Variants in TFEC observed in about 807,000 individuals in gnomAD.
The protein encoded by TFEC is transcription factor EC, also known as class E basic helix-loop-helix protein 34.
Under a neutral mutation model 41.6 loss-of-function variants are expected in TFEC, and 31 were observed. The ratio of observed to expected loss-of-function variants is 0.74; its 90% CI spans 0.56 to 1.01. TFEC has a LOEUF of 1.01. Ranked by LOEUF, TFEC falls within the 50% of genes least tolerant of loss-of-function variation. The probability of loss-of-function intolerance (pLI) is 0.00; values close to 1 mark genes in which losing one functional copy is unlikely to be tolerated. For missense variants in TFEC, 402 were observed against 404.1 expected (o/e 0.99, Z 0.04); for synonymous variants, 143 against 140.6 (o/e 1.02, Z -0.12).
chr7:115,993,092 C>T (rs1031332066), intron 1 of TFEC, among the ~76,000 whole-genome samples: 1 of 152,084 alleles, frequency 6.6e-6, no homozygotes, highest in African/African-American at 2.4e-5. Flanking sequence ...ATAAACAGAA[C>T]CAAAGACAAA....
chr7:116,075,629 T>C (rs1052269700), intron 3 of TFEC, among the ~76,000 whole-genome samples: 1 of 152,064 alleles, frequency 6.6e-6, no homozygotes, highest in Admixed American at 6.6e-5. Context: ...CCCACTTCCC[T>C]GGCAACCTGC....
intron 1 of TFEC, among the ~76,000 whole-genome samples, chr7:116,142,823 T>C (rs1419561471): frequency 6.6e-6 from 1 of 152,168 alleles, no homozygotes; most frequent in Non-Finnish European, 1.5e-5. Context: ...AAATTCCCCA[T>C]TTTTGTTAAA....
intron 3 of TFEC, among the ~76,000 whole-genome samples, chr7:115,962,747 G>C (rs1792626621): frequency 6.6e-6 from 1 of 151,670 alleles, no homozygotes; most frequent in Admixed American, 6.6e-5. Flanking sequence ...CCCTCACAGG[G>C]GGAGAAGCTA....
At chr7:116,034,140 T>G (rs1257020359), upstream of TFEC, among the ~76,000 whole-genome samples, 3 of 152,140 alleles carry the variant, frequency 2.0e-5, no homozygotes, top group East Asian at 5.8e-4. Context: ...CCTATATCAC[T>G]GAGTATTTCT....
intron 3 of TFEC, among the ~76,000 whole-genome samples, chr7:115,971,431 A>T (rs1181229896): frequency 6.6e-6 from 1 of 151,746 alleles, no homozygotes; most frequent in Admixed American, 6.6e-5. Context: ...TATAAGCAGC[A>T]TTTCTTTCCA....
chr7:115,959,853 T>A (rs1466482882), intron 3 of TFEC, among the ~76,000 whole-genome samples: 3 of 151,218 alleles, frequency 2.0e-5, no homozygotes, highest in African/African-American at 7.3e-5. Flanking sequence ...ACCTAAACAA[T>A]ACAGGGAATA....
At chr7:116,099,593 G>A (rs186037512) in intron 3 of TFEC, among the ~76,000 whole-genome samples, 150 of 152,242 alleles carry the variant, frequency 9.9e-4, no homozygotes, top group Non-Finnish European at 1.6e-3. Flanking sequence ...AGAGACACAC[G>A]GCTCAGCCAA....
At chr7:116,088,480 A>G (rs1327115172) in intron 3 of TFEC, among the ~76,000 whole-genome samples, 8 of 152,130 alleles carry the variant, frequency 5.3e-5, no homozygotes, top group Non-Finnish European at 5.9e-5. Flanking sequence ...TTCTTTATAC[A>G]TAAACTGGGA....
chr7:116,107,983 T>C (rs1797759547), intron 3 of TFEC, among the ~76,000 whole-genome samples: 4 of 152,158 alleles, frequency 2.6e-5, no homozygotes, highest in Admixed American at 2.0e-4. Flanking sequence ...TGTTTTATCA[T>C]GAGGCTGTGA....
intron 1 of TFEC, among the ~76,000 whole-genome samples, chr7:116,122,057 G>C (rs1389922194): frequency 6.6e-6 from 1 of 152,012 alleles, no homozygotes; most frequent in Admixed American, 6.6e-5. Flanking sequence ...ATAAATTATG[G>C]AGGAGTCTTC....
In TFEC at chr7:115,935,388, T is replaced by C. The variant is rs1793179276; in HGVS notation, c.*5163A>G. The C allele has an allele frequency of 6.6e-6, 1 of 152,106 alleles. No homozygotes were observed. The highest frequency in any genetic ancestry group is 1.5e-5 in the Non-Finnish European group (1 of 67,648). The allele number at this position is 152,106 out of a possible 1,614,324, so 9.4% of individuals were successfully genotyped here. The stretch of plus-strand genomic sequence containing the variant: ...TGTCAGATTAAAATTATAGGAATGT[T>C]ACTTCAGCTATTTGTATATGTAAAA... On this transcript the variant is annotated 3_prime_UTR_variant, in exon 8 of 8. Coordinates refer to ENST00000265440, the MANE Select transcript of TFEC (RefSeq NM_012252.4).
At position 115,935,886 on chromosome 7, in the gene TFEC, T is replaced by C. The variant is rs556584047; in HGVS notation, c.*4665A>G. ...TCATCTGATTATGCAGAAATACACA[T>C]AAAAATCCCTTTACAAGCAGATAAA... On this transcript the variant is annotated 3_prime_UTR_variant, in exon 8 of 8. Transcript: ENST00000265440. The C allele has an allele frequency of 1.3e-5, 2 of 151,604 alleles. 1 individual carries two copies. Among genetic ancestry groups the C allele is most frequent in the Admixed American group, 1.3e-4 (2 of 15,206 alleles). The allele number at this position is 151,604 out of a possible 1,614,324, so 9.4% of individuals were successfully genotyped here.
At chr7:116,120,761 A>G (rs2402033) in intron 1 of TFEC, among the ~76,000 whole-genome samples, 22,945 of 151,928 alleles carry the variant, frequency 0.15, 1,777 homozygotes, top group East Asian at 0.25. Context: ...AGCACAGAAT[A>G]GGGAGAGGTA....
intron 1 of TFEC, among the ~76,000 whole-genome samples, chr7:116,030,163 T>G (rs1414033454): frequency 6.6e-6 from 1 of 152,166 alleles, no homozygotes; most frequent in Non-Finnish European, 1.5e-5. Context: ...AGTCCTGGAA[T>G]AAGAATATAT....
At chr7:116,157,891 AC>A (rs1163463911) in intron 1 of TFEC, among the ~76,000 whole-genome samples, 8 of 152,132 alleles carry the variant, frequency 5.3e-5, no homozygotes, top group Non-Finnish European at 1.2e-4. Flanking sequence ...CCCCTGGAGG[AC>A]ATGGCTGTAC....
chr7:115,978,656 C>A (rs533269409), intron 2 of TFEC, among the ~76,000 whole-genome samples: 1 of 152,300 alleles, frequency 6.6e-6, no homozygotes, highest in East Asian at 1.9e-4. Flanking sequence ...ATCCTACTGA[C>A]ATCCCTTTTG....
intron 1 of TFEC, among the ~76,000 whole-genome samples, chr7:116,130,138 C>T (rs1286283050): frequency 6.6e-6 from 1 of 151,850 alleles, no homozygotes; most frequent in East Asian, 1.9e-4. Context: ...AAGCCCCATC[C>T]ACTAGAAATC....
chr7:116,051,000 A>T (rs1410467154), intron 3 of TFEC, among the ~76,000 whole-genome samples: 1 of 152,228 alleles, frequency 6.6e-6, no homozygotes, highest in East Asian at 1.9e-4. Flanking sequence ...CTTTGTAGGG[A>T]CACGGATGAA....
chr7:115,952,088 G>A lies in TFEC; in HGVS notation c.440-1139C>T, dbSNP rs557746026. On this transcript the variant is annotated intron_variant, in intron 5 of 7. Transcript: ENST00000265440. ...ATTATGAACTGCTACTAGAAACAAG[G>A]AAAGTCATCAAAGACTATCAATTGC... 5.3e-5 allele frequency among the ~76,000 whole-genome samples: 8 copies of A among 152,116 alleles called. No individual in the cohort carries two copies. The South Asian group carries it at 1.0e-3, about 20-fold the overall frequency.
Sources: allele counts gnomAD v4.1 joint callset (sites outside exome capture counted in the v4.1 genomes callset), GRCh38; gene constraint gnomAD v4.1.1; transcripts MANE v1.5; gene names NCBI Gene and HGNC (gene_info 2026-07-23, HGNC 2026-07-21).